The following HTR2C variants were observed in gnomAD, a reference collection of about 807,000 sequenced individuals.
HTR2C encodes the protein 5-hydroxytryptamine receptor 2C.
Under a neutral mutation model 21.0 loss-of-function variants are expected in HTR2C, and 5 were observed. That is an observed-to-expected ratio of 0.24 (90% CI 0.12 to 0.50). The LOEUF is 0.50. Among genes scored for constraint, HTR2C ranks in the 20% least tolerant of loss-of-function variants. The probability of loss-of-function intolerance (pLI) is 0.98; values close to 1 mark genes in which losing one functional copy is unlikely to be tolerated. For missense variants in HTR2C, 271 were observed against 371.2 expected (o/e 0.73, Z 2.22); for synonymous variants, 150 against 145.3 (o/e 1.03, Z -0.23).
chrX:114,705,458 A>G (rs1932747404), intron 2 of HTR2C, among the ~76,000 whole-genome samples: 1 of 108,464 alleles, frequency 9.2e-6, no homozygotes, highest in African/African-American at 3.3e-5. Flanking sequence ...GCAATGGGGA[A>G]AGGATTCCCT....
intron 2 of HTR2C, among the ~76,000 whole-genome samples, chrX:114,665,459 C>T (rs1931142652): frequency 9.0e-6 from 1 of 111,555 alleles, no homozygotes; most frequent in Non-Finnish European, 1.9e-5. Flanking sequence ...GGGTAATGAA[C>T]CCTGTGCAGT....
At chrX:114,901,274 T>C (rs1443861419) in intron 5 of HTR2C, among the ~76,000 whole-genome samples, 1 of 112,533 alleles carries the variant, frequency 8.9e-6, no homozygotes, top group Non-Finnish European at 1.9e-5. Context: ...AACATATTTA[T>C]ACATCCTCTG....
intron 1 of HTR2C, among the ~76,000 whole-genome samples, chrX:114,605,587 G>T (rs1217672191): frequency 1.1e-4 from 12 of 111,464 alleles, no homozygotes; most frequent in East Asian, 2.8e-4. Context: ...TTTAGATTTT[G>T]CAGGATGGAA....
chrX:114,892,925 T>G (rs2071269181), intron 5 of HTR2C, among the ~76,000 whole-genome samples: 1 of 103,569 alleles, frequency 9.7e-6, no homozygotes, highest in African/African-American at 3.4e-5. Context: ...TTTTTATTTT[T>G]TTTTTGAGAT....
chrX:114,638,239 C>T (rs934920306), intron 2 of HTR2C, among the ~76,000 whole-genome samples: 1 of 111,511 alleles, frequency 9.0e-6, no homozygotes, highest in Non-Finnish European at 1.9e-5. Flanking sequence ...GAGCGAGCAA[C>T]AAAATAGCCC....
chrX:114,748,013 G>A (rs371909775), intron 4 of HTR2C, among the ~76,000 whole-genome samples: 1 of 111,824 alleles, frequency 8.9e-6, no homozygotes, highest in South Asian at 3.7e-4. Context: ...TAATTTGGGG[G>A]ATAATTTGCT....
At chrX:114,689,263 G>A (rs923586987) in intron 2 of HTR2C, among the ~76,000 whole-genome samples, 39 of 93,703 alleles carry the variant, frequency 4.2e-4, no homozygotes, top group African/African-American at 1.5e-3. Flanking sequence ...TTGCTTGATG[G>A]GCATTTAGGC....
At chrX:114,898,825 C>G (rs6643914) in intron 5 of HTR2C, among the ~76,000 whole-genome samples, 2 of 110,385 alleles carry the variant, frequency 1.8e-5, no homozygotes, top group Non-Finnish European at 3.8e-5. Flanking sequence ...AGTTGAGTAA[C>G]GTGATGCCTC....
At chrX:114,689,167 A>T (rs1556414736) in intron 2 of HTR2C, among the ~76,000 whole-genome samples, 1 of 97,453 alleles carries the variant, frequency 1.0e-5, no homozygotes, top group East Asian at 3.3e-4. Flanking sequence ...CCATTATTTC[A>T]TTCCTTTTTA....
chrX:114,598,059 T>C (rs781965620), intron 1 of HTR2C, among the ~76,000 whole-genome samples: 5 of 111,494 alleles, frequency 4.5e-5, no homozygotes, highest in South Asian at 7.5e-4. Context: ...CTTTAGTAGT[T>C]TGAAGTCTAG....
intron 1 of HTR2C, among the ~76,000 whole-genome samples, chrX:114,606,778 G>T (rs1283279502): frequency 7.2e-5 from 8 of 111,869 alleles, no homozygotes; most frequent in African/African-American, 2.6e-4. Flanking sequence ...CCCGATCCAA[G>T]TCACAGCACC....
At chrX:114,628,837 G>A (rs186672979) in intron 2 of HTR2C, among the ~76,000 whole-genome samples, 27 of 111,971 alleles carry the variant, frequency 2.4e-4, no homozygotes, top group African/African-American at 8.1e-4. Context: ...CACACTGAGA[G>A]CAATATAAGA....
At chrX:114,745,781 T>G (rs1048152093) in intron 4 of HTR2C, among the ~76,000 whole-genome samples, 77 of 109,106 alleles carry the variant, frequency 7.1e-4, no homozygotes, top group African/African-American at 2.4e-3. Context: ...AGATAGAGAG[T>G]AGAAGGACGG....
chrX:114,693,637 ATT>A (rs1932176117), intron 2 of HTR2C, among the ~76,000 whole-genome samples: 1 of 109,676 alleles, frequency 9.1e-6, no homozygotes, highest in East Asian at 2.9e-4. Context: ...AGTAGCCACA[ATT>A]TTCCAATTAT....
At chrX:114,670,091 A>T (rs1931318871) in intron 2 of HTR2C, among the ~76,000 whole-genome samples, 1 of 110,992 alleles carries the variant, frequency 9.0e-6, no homozygotes, top group Admixed American at 9.5e-5. Context: ...TACAGAAATT[A>T]GCTGGGCAAG....
At chrX:114,856,824 G>C (rs1258810038) in intron 5 of HTR2C, among the ~76,000 whole-genome samples, 1 of 111,481 alleles carries the variant, frequency 9.0e-6, no homozygotes, top group African/African-American at 3.3e-5. Flanking sequence ...TTCTTGTACA[G>C]TTTGGTGTCA....
At chrX:114,828,094 A>C (rs1431489722) in intron 4 of HTR2C, among the ~76,000 whole-genome samples, 2 of 110,936 alleles carry the variant, frequency 1.8e-5, no homozygotes, top group African/African-American at 6.5e-5. Flanking sequence ...TTAAACATAT[A>C]GTTATTGTCC....
chrX:114,741,577 A>T (rs782631005), intron 4 of HTR2C, among the ~76,000 whole-genome samples: 4 of 80,150 alleles, frequency 5.0e-5, no homozygotes, highest in Non-Finnish European at 9.6e-5. Flanking sequence ...TTTTCAGCTG[A>T]AAAGTAAGGA....
rs190756013 is a variant in HTR2C at position 114,801,559 on chromosome X, C to T, written c.350-46444C>T. Among the ~76,000 whole-genome samples, 533 of 111,497 alleles carry T rather than the reference C, an allele frequency of 4.8e-3. 4 individuals carry two copies. Among genetic ancestry groups the T allele is most frequent in the African/African-American group, 0.016 (505 of 30,792 alleles). Reference sequence around the variant, plus strand: ...TTGAGCATTTGGGGACAGCTGTAACCAATCTGACAAATTCTATCAAATAAC... The same window carrying T: ...TTGAGCATTTGGGGACAGCTGTAACTAATCTGACAAATTCTATCAAATAAC... On this transcript the variant is annotated intron_variant, in intron 4 of 5. Coordinates refer to ENST00000276198, the MANE Select transcript of HTR2C (RefSeq NM_000868.4).
Sources: gnomAD v4.1 joint callset for allele counts (sites outside exome capture counted in the v4.1 genomes callset) on GRCh38, gnomAD v4.1.1 for gene constraint, MANE v1.5 for transcripts, NCBI Gene and HGNC (gene_info 2026-07-23, HGNC 2026-07-21) for gene names.